The following NIN variants were observed in gnomAD, a reference collection of about 807,000 sequenced individuals.
The protein encoded by NIN is glycogen synthase kinase 3 beta-interacting protein.
In NIN, 137 loss-of-function variants were observed where a neutral mutation model predicts 257.6. The ratio of observed to expected loss-of-function variants is 0.53; its 90% CI spans 0.46 to 0.61. The LOEUF (loss-of-function observed/expected upper bound fraction) is 0.61, where lower values mean the gene tolerates loss of function less well. Among genes scored for constraint, NIN ranks in the 20% least tolerant of loss-of-function variants. The pLI, the probability that NIN is intolerant of heterozygous loss-of-function variation, is 0.00. For missense variants in NIN, 2,439 were observed against 2,501.2 expected, an observed-to-expected ratio of 0.98 and a Z score of 0.53; for synonymous variants, 918 against 919.8, an observed-to-expected ratio of 1.00 and a Z score of 0.04.
rs114170878 is a variant in NIN at position 50,780,306 on chromosome 14, A to T, written c.436-1502T>A. On this transcript the variant is annotated intron_variant, in intron 5 of 30. Coordinates refer to ENST00000530997, the MANE Select transcript of NIN (RefSeq NM_020921.4). ...TAGCAGTGATCCAGCTTTATGAATG[A>T]AGCTGCCTTTGATAACAAATAACCA... Among the ~76,000 whole-genome samples, 222 of 152,342 alleles carry T rather than the reference A, an allele frequency of 1.5e-3. 1 individual carries two copies. Among genetic ancestry groups the T allele is most frequent in the African/African-American group, 5.1e-3 (213 of 41,576 alleles).
At chr14:50,819,666 C>T (rs892692780) in intron 3 of NIN, among the ~76,000 whole-genome samples, 2 of 152,224 alleles carry the variant, frequency 1.3e-5, no homozygotes, top group Admixed American at 6.5e-5. Context: ...ATACAGATCC[C>T]ATGCCATGAG....
chr14:50,796,429 G>A (rs2043841232), intron 4 of NIN, among the ~76,000 whole-genome samples: 1 of 152,174 alleles, frequency 6.6e-6, no homozygotes, highest in Non-Finnish European at 1.5e-5. Context: ...CAGAGCACGT[G>A]GGGAAAACAT....
intron 2 of NIN, among the ~76,000 whole-genome samples, chr14:50,823,987 A>G (rs1014430806): frequency 6.6e-6 from 1 of 152,200 alleles, no homozygotes; most frequent in Admixed American, 6.5e-5. Flanking sequence ...ATTGTCAACT[A>G]AGATCTGCTG....
rs1248597613 is a variant in NIN, at chr14:50,720,201, G to C, written c.*3262C>G. 1 of 222,702 alleles carries C rather than the reference G, an allele frequency of 4.5e-6. No homozygotes were observed. Among genetic ancestry groups the C allele is most frequent in the Non-Finnish European group, 9.0e-6 (1 of 111,574 alleles). 13.8% of individuals were successfully genotyped at this position (222,702 alleles called of 1,614,324 possible). A position where few individuals can be genotyped will look rare whatever the true frequency, so the allele number is the denominator to read the frequency against. On this transcript the variant is annotated 3_prime_UTR_variant, in exon 31 of 31. Coordinates refer to ENST00000530997, the MANE Select transcript of NIN (RefSeq NM_020921.4). ...CTTTGGTTAATTAGGCTTTGACTTGGTTTTTGGCATTACTTGTATAATTAT... is the reference window on the plus strand; with the variant it reads ...CTTTGGTTAATTAGGCTTTGACTTGCTTTTTGGCATTACTTGTATAATTAT...
At chr14:50,742,291 G>A (rs1311153447) in intron 24 of NIN, 1 of 152,012 alleles carries the variant, frequency 6.6e-6, no homozygotes, top group African/African-American at 2.4e-5. Flanking sequence ...TGTGCCTGTA[G>A]TCCCAACTAC....
At chr14:50,812,263 C>T (rs752696387) in intron 3 of NIN, among the ~76,000 whole-genome samples, 10 of 152,184 alleles carry the variant, frequency 6.6e-5, no homozygotes, top group Non-Finnish European at 1.5e-4. Flanking sequence ...AGAGACCCTA[C>T]CTCAAAATTG....
At position 50,763,932 on chromosome 14, in the gene NIN, A is replaced by G. The variant is rs563261902; in HGVS notation, c.1668T>C (p.Ser556=). The G allele has an allele frequency of 1.2e-5, 20 of 1,613,898 alleles. No homozygotes were observed. Among genetic ancestry groups the G allele is most frequent in the African/African-American group, 1.1e-4 (8 of 75,050 alleles). ...VLQDQVDELQ[S]ELEEYRAQGR... ...CTTGTGCACGATATTCTTCCAGCTCAGACTGGAGTTCATCTACTTGGTCTT... is the reference window on the plus strand; with the variant it reads ...CTTGTGCACGATATTCTTCCAGCTCGGACTGGAGTTCATCTACTTGGTCTT... The change falls in exon 15 of 31, where the codon TCT becomes TCC. Residue 556 remains serine (S), a synonymous_variant. Coordinates refer to ENST00000530997, the MANE Select transcript of NIN (RefSeq NM_020921.4).
intron 3 of NIN, among the ~76,000 whole-genome samples, chr14:50,818,239 C>T (rs61985522): frequency 0.52 from 75,993 of 147,130 alleles, 20,620 homozygotes; most frequent in South Asian, 0.67. Flanking sequence ...AGGAGAAAGG[C>T]GTGAACCCGG....
intron 22 of NIN, among the ~76,000 whole-genome samples, chr14:50,746,063 C>T (rs996988790): frequency 6.7e-5 from 10 of 148,474 alleles, no homozygotes; most frequent in Non-Finnish European, 1.2e-4. Context: ...GCAATAAAAA[C>T]GTGCTGAATG....
intron 29 of NIN, chr14:50,727,702 A>G (rs2040478022): frequency 2.1e-6 from 3 of 1,438,522 alleles, no homozygotes; most frequent in African/African-American, 1.4e-5. Context: ...CAGGTGCCCA[A>G]TCCTTCTGTA....
chr14:50,738,352 CA>C, intron 26 of NIN, 66 bp from the exon 27 acceptor site: 1 of 1,445,980 alleles, frequency 6.9e-7, no homozygotes, highest in Non-Finnish European at 9.6e-7. Flanking sequence ...AAACAACAAA[CA>C]TAGGGAAAGT....
At chr14:50,826,260 T>C (rs934962533) in intron 2 of NIN, among the ~76,000 whole-genome samples, 4 of 152,258 alleles carry the variant, frequency 2.6e-5, no homozygotes, top group Non-Finnish European at 5.9e-5. Context: ...AACCTGGGCC[T>C]CTCCTCACCA....
At position 50,807,518 on chromosome 14, in the gene NIN, TATTC is replaced by T. The variant is rs539160988; in HGVS notation, c.184-704_184-701del. 1.1e-4 allele frequency among the ~76,000 whole-genome samples: 17 copies of T among 152,348 alleles called. No homozygotes were observed. In the South Asian group the frequency reaches 3.1e-3, roughly 28 times the overall value. Reference sequence around the variant, plus strand: ...AAAGCATTTTCTTTATGGCCAAGGATATTCTATAACTTAGATGTATGTAATCTCA... The same window carrying T: ...AAAGCATTTTCTTTATGGCCAAGGATTATAACTTAGATGTATGTAATCTCA... On this transcript the variant is annotated intron_variant, in intron 3 of 30. Coordinates refer to ENST00000530997, the MANE Select transcript of NIN (RefSeq NM_020921.4).
At chr14:50,778,664 A>G in intron 6 of NIN, 101 bp downstream of exon 6, 1 of 991,560 alleles carries the variant, frequency 1.0e-6, no homozygotes, top group Admixed American at 1.9e-5. Flanking sequence ...TCTTAATGTT[A>G]ATTCCCCTGG....
intron 30 of NIN, chr14:50,724,203 C>T (rs968438738): frequency 5.0e-6 from 1 of 200,326 alleles, no homozygotes; most frequent in African/African-American, 2.3e-5. Flanking sequence ...CTTGTCTAGT[C>T]TAATCTTTAT....
intron 4 of NIN, among the ~76,000 whole-genome samples, chr14:50,800,316 A>C (rs2044041343): frequency 6.6e-6 from 1 of 152,192 alleles, no homozygotes; most frequent in African/African-American, 2.4e-5. Context: ...GAAAGGCTTG[A>C]GATCAGAAAA....
chr14:50,820,288 T>C (rs1227475353), intron 3 of NIN, among the ~76,000 whole-genome samples: 1 of 152,176 alleles, frequency 6.6e-6, no homozygotes, highest in African/African-American at 2.4e-5. Flanking sequence ...AACTGCTCCC[T>C]GTTTGAGTCT....
At chr14:50,828,892 A>C (rs2045578878) in intron 2 of NIN, among the ~76,000 whole-genome samples, 1 of 152,240 alleles carries the variant, frequency 6.6e-6, no homozygotes, top group East Asian at 1.9e-4. Context: ...AAAATGAAAA[A>C]GAAATAAGAA....
intron 12 of NIN, 97 bp from the exon 13 acceptor site, chr14:50,766,987 A>C: frequency 1.3e-6 from 1 of 786,620 alleles, no homozygotes; most frequent in South Asian, 1.6e-5. Context: ...CCGTAGATTA[A>C]AGATGTTTAT....
Sources: gnomAD v4.1 joint callset for allele counts (sites outside exome capture counted in the v4.1 genomes callset) on GRCh38, gnomAD v4.1.1 for gene constraint, MANE v1.5 for transcripts, NCBI Gene and HGNC (gene_info 2026-07-23, HGNC 2026-07-21) for gene names.